Variants in SNTB1 observed in about 807,000 individuals in gnomAD.
SNTB1 encodes the protein syntrophin beta 1.
In SNTB1, 36 loss-of-function variants were observed where a neutral mutation model predicts 48.9. The observed-to-expected ratio is 0.74, with a 90% confidence interval of 0.56 to 0.97. The LOEUF (loss-of-function observed/expected upper bound fraction) is 0.97, where lower values mean the gene tolerates loss of function less well. SNTB1 is among the 50% of genes least tolerant of loss of function. SNTB1 has a pLI of 0.00. For missense variants in SNTB1, 786 were observed against 703.4 expected, an observed-to-expected ratio of 1.12 and a Z score of -1.33; for synonymous variants, 299 against 294.6, an observed-to-expected ratio of 1.01 and a Z score of -0.15.
Position 120,693,857 on chromosome 8 carries a change from G to C in SNTB1, c.623C>G (p.Ser208Cys). The C allele has an allele frequency of 6.2e-7, 1 of 1,614,126 alleles. No individual in the cohort carries two copies. The highest frequency in any genetic ancestry group is 8.5e-7 in the Non-Finnish European group (1 of 1,179,988). ...CGGAGGTGTTTCCCACCCAATCTCG[G>C]ATACTGGGGATCCTTTCTTCACATA... ...TPYVKKGSPV[S>C]EIGWETPPPE... Residue 208 changes from serine to cysteine, a missense_variant, in exon 2 of 7, where the codon TCC becomes TGC. Transcript: ENST00000517992.
intron 2 of SNTB1, among the ~76,000 whole-genome samples, chr8:120,642,062 G>T (rs1817204824): frequency 6.6e-6 from 1 of 152,110 alleles, no homozygotes; most frequent in African/African-American, 2.4e-5. Flanking sequence ...GGAACTCTGG[G>T]GGTGGGGTCC....
intron 1 of SNTB1, among the ~76,000 whole-genome samples, chr8:120,740,987 T>C (rs1454869430): frequency 6.6e-6 from 1 of 152,174 alleles, no homozygotes; most frequent in Non-Finnish European, 1.5e-5. Flanking sequence ...TAGTCAGTGG[T>C]TGAGCAAGGA....
chr8:120,575,078 A>T lies in SNTB1; in HGVS notation c.1136+8T>A. 6.2e-7 allele frequency: 1 copy of T among 1,614,178 alleles called. No homozygotes were observed. ...AACACATCATACCAAACACAAGGCC[A>T]TGGCTACCTGGTGGCAAGAAGAGGG... On this transcript the variant is annotated splice_region_variant and intron_variant, in intron 4 of 6. Transcript: ENST00000517992.
chr8:120,722,324 G>A (rs1456818029), intron 1 of SNTB1, among the ~76,000 whole-genome samples: 2 of 152,200 alleles, frequency 1.3e-5, no homozygotes, highest in Non-Finnish European at 2.9e-5. Flanking sequence ...TCGCCACACT[G>A]TCTTCCACAA....
rs1444996830 is a variant in SNTB1, at chr8:120,578,989, CAGCA to C, written c.997-3768_997-3765del. 2.6e-5 allele frequency among the ~76,000 whole-genome samples: 4 copies of C among 152,160 alleles called. No individual in the cohort carries two copies. In the East Asian group the frequency reaches 7.7e-4, roughly 29 times the overall value. On this transcript the variant is annotated intron_variant, in intron 3 of 6. Coordinates refer to ENST00000517992, the MANE Select transcript of SNTB1 (RefSeq NM_021021.4). ...GTTGGGAGTTTGAGACCAGGCTGGC[CAGCA>C]TGGTGAAATGCCGTCTCTACTAAAA...
chr8:120,739,719 G>C (rs981118885), intron 1 of SNTB1, among the ~76,000 whole-genome samples: 1 of 152,176 alleles, frequency 6.6e-6, no homozygotes, highest in African/African-American at 2.4e-5. Context: ...AAAGATTCAT[G>C]TTGGGCTCCA....
In SNTB1 at chr8:120,632,568, C is replaced by A; in HGVS notation, c.872G>T (p.Ser291Ile). The A allele has an allele frequency of 6.2e-7, 1 of 1,614,168 alleles. No individual in the cohort carries two copies. The highest frequency in any genetic ancestry group is 1.1e-5 in the South Asian group (1 of 91,084). Reference sequence around the variant, plus strand: ...GTCATTAACGTTGGAATGGATGGCACTGAACCATGCCTGGGCCGTGGCTGA... The same window carrying A: ...GTCATTAACGTTGGAATGGATGGCAATGAACCATGCCTGGGCCGTGGCTGA... ...KDSATAQAWF[S>I]AIHSNVNDLL... The change falls in exon 3 of 7, where the codon AGT becomes ATT. Residue 291 changes from serine to isoleucine, a missense_variant. Ser to Ile is a moderately radical substitution (Grantham distance 142, BLOSUM62 -2). Transcript: ENST00000517992.
chr8:120,663,529 A>G (rs1587072138), intron 2 of SNTB1, among the ~76,000 whole-genome samples: 1 of 152,060 alleles, frequency 6.6e-6, no homozygotes, highest in Middle Eastern at 3.2e-3. Context: ...CTGGTCTCGA[A>G]CTCCTGACCT....
At chr8:120,603,081 C>T (rs1475385439) in intron 3 of SNTB1, among the ~76,000 whole-genome samples, 2 of 151,298 alleles carry the variant, frequency 1.3e-5, no homozygotes, top group East Asian at 1.9e-4. Context: ...CATCCACCCC[C>T]CTCAAAAAAG....
rs143654343 is a variant in SNTB1 at position 120,589,145 on chromosome 8, T to A, written c.997-13920A>T. ...TTTATACACCCTCTTTTGAGGACTC[T>A]GATGTGCAGCCTGCTTTGGGAATCA... On this transcript the variant is annotated intron_variant, in intron 3 of 6. Coordinates refer to ENST00000517992, the MANE Select transcript of SNTB1 (RefSeq NM_021021.4). Among the ~76,000 whole-genome samples, 615 of 152,346 alleles carry A rather than the reference T, an allele frequency of 4.0e-3. 2 individuals are homozygous for A. Among genetic ancestry groups the A allele is most frequent in the African/African-American group, 0.014 (562 of 41,580 alleles).
intron 3 of SNTB1, among the ~76,000 whole-genome samples, chr8:120,620,836 C>T (rs550733140): frequency 6.6e-5 from 10 of 152,274 alleles, no homozygotes; most frequent in African/African-American, 1.9e-4. Context: ...TCCAATGCCT[C>T]TTATGAGAAT....
intron 2 of SNTB1, among the ~76,000 whole-genome samples, chr8:120,688,234 T>C (rs541811553): frequency 2.0e-5 from 3 of 152,334 alleles, no homozygotes; most frequent in Admixed American, 6.5e-5. Context: ...AAACTACCCA[T>C]TGTAGCACAG....
At chr8:120,614,346 T>A (rs1014402282) in intron 3 of SNTB1, among the ~76,000 whole-genome samples, 1 of 152,220 alleles carries the variant, frequency 6.6e-6, no homozygotes, top group African/African-American at 2.4e-5. Context: ...TGTCTTAAAC[T>A]AGTGGCCAGA....
chr8:120,753,811 C>A (rs1819263752), intron 1 of SNTB1, among the ~76,000 whole-genome samples: 1 of 151,916 alleles, frequency 6.6e-6, no homozygotes, highest in African/African-American at 2.4e-5. Context: ...CCAGTGGATC[C>A]ACACATGTGT....
At chr8:120,593,789 C>T (rs977308948) in intron 3 of SNTB1, among the ~76,000 whole-genome samples, 4 of 152,150 alleles carry the variant, frequency 2.6e-5, no homozygotes, top group African/African-American at 9.7e-5. Context: ...CATAAATCAC[C>T]TCATCTGGAA....
At chr8:120,796,041 G>T (rs531251988) in intron 1 of SNTB1, among the ~76,000 whole-genome samples, 2 of 152,102 alleles carry the variant, frequency 1.3e-5, no homozygotes, top group African/African-American at 4.8e-5. Flanking sequence ...TTGGACTAGG[G>T]TCCTGGTGGG....
At chr8:120,541,625 A>G (rs1815290542) in intron 6 of SNTB1, among the ~76,000 whole-genome samples, 185 bp downstream of exon 6, 1 of 152,226 alleles carries the variant, frequency 6.6e-6, no homozygotes, top group South Asian at 2.1e-4. Flanking sequence ...CTAATGGAAA[A>G]TGAGACTGAA....
At chr8:120,712,346 C>T (rs999465242) in intron 1 of SNTB1, among the ~76,000 whole-genome samples, 136 of 143,010 alleles carry the variant, frequency 9.5e-4, no homozygotes, top group African/African-American at 3.3e-3. Context: ...ACCTGGGAGG[C>T]GCAGCTTGCA....
At chr8:120,723,548 A>C (rs1818704129) in intron 1 of SNTB1, among the ~76,000 whole-genome samples, 1 of 152,200 alleles carries the variant, frequency 6.6e-6, no homozygotes, top group African/African-American at 2.4e-5. Flanking sequence ...CACTCTGTAT[A>C]TCCCTTCATT....
Sources: allele counts gnomAD v4.1 joint callset (sites outside exome capture counted in the v4.1 genomes callset), GRCh38; gene constraint gnomAD v4.1.1; transcripts MANE v1.5; gene names NCBI Gene and HGNC (gene_info 2026-07-23, HGNC 2026-07-21).